NDUFAF4: variants seen among roughly 807,000 people sequenced by gnomAD.
NDUFAF4 encodes the protein NADH:ubiquinone oxidoreductase complex assembly factor 4, also known as NADH dehydrogenase [ubiquinone] 1 alpha subcomplex assembly factor 4.
A neutral mutation model predicts 15.6 loss-of-function variants in NDUFAF4; 10 were observed. The ratio of observed to expected loss-of-function variants is 0.64; its 90% CI spans 0.40 to 1.09. The LOEUF is 1.09. NDUFAF4 is among the 50% of genes least tolerant of loss of function. NDUFAF4 has a pLI of 0.01. For missense variants in NDUFAF4, 203 were observed against 207.3 expected, an observed-to-expected ratio of 0.98 and a Z score of 0.13; for synonymous variants, 77 against 73.3, an observed-to-expected ratio of 1.05 and a Z score of -0.26.
rs1398788258 is a variant in NDUFAF4, at chr6:96,896,821, C to T, written c.163G>A (p.Ala55Thr). 1 of 1,613,810 alleles carries T rather than the reference C, an allele frequency of 6.2e-7. No individual in the cohort carries two copies. Among genetic ancestry groups the T allele is most frequent in the Non-Finnish European group, 8.5e-7 (1 of 1,179,836 alleles). The change falls in exon 2 of 3, where the codon GCT (alanine) becomes ACT (threonine). Residue 55 changes from alanine (A) to threonine (T), a missense_variant. Transcript: ENST00000316149. Reference sequence around the variant, plus strand: ...GACAGCAGCTTTTCATCTTTACGAGCAATCTCTCCTTTAACTTCTGGATAG... The same window carrying T: ...GACAGCAGCTTTTCATCTTTACGAGTAATCTCTCCTTTAACTTCTGGATAG... ...SLYPEVKGEIARKDEKLLSFL... is the reference protein window; with the variant it reads ...SLYPEVKGEITRKDEKLLSFL...
Position 96,897,682 on chromosome 6 carries a change from C to G in NDUFAF4, c.120G>C (p.Leu40=), listed in dbSNP as rs117908219. The G allele has an allele frequency of 8.7e-6, 14 of 1,614,026 alleles. No individual in the cohort carries two copies. The highest frequency in any genetic ancestry group is 1.7e-5 in the Admixed American group (1 of 60,014). The part of the protein sequence containing the change: ...APRHPSTNSL[L]REQISLYPEV... Reference sequence around the variant, plus strand: ...ACCACTCACGACTAATCTGCTCTCGCAGGAGGCTGTTGGTAGAGGGGTGTC... The same window carrying G: ...ACCACTCACGACTAATCTGCTCTCGGAGGAGGCTGTTGGTAGAGGGGTGTC... The change falls in exon 1 of 3, where the codon CTG becomes CTC. Residue 40 remains leucine, a synonymous_variant. Transcript: ENST00000316149.
chr6:96,897,824 A>G lies in NDUFAF4; in HGVS notation c.-23T>C, dbSNP rs755401964. ...CATCTCCTCATAACATTATGCGCTC[A>G]GGTTCAGGCCGCACGTGGGAACACC... On this transcript the variant is annotated 5_prime_UTR_variant, in exon 1 of 3. Coordinates refer to ENST00000316149, the MANE Select transcript of NDUFAF4 (RefSeq NM_014165.4). 6.7e-5 allele frequency: 108 copies of G among 1,613,992 alleles called. 3 individuals are homozygous for G. In the South Asian group the frequency reaches 1.1e-3, roughly 17 times the overall value.
Position 96,891,375 on chromosome 6 carries a change from G to C in NDUFAF4, c.257C>G (p.Thr86Arg), listed in dbSNP as rs762681478. 2 of 1,604,392 alleles carry C rather than the reference G, an allele frequency of 1.2e-6. No individual in the cohort carries two copies. Among genetic ancestry groups the C allele is most frequent in the Admixed American group, 1.7e-5 (1 of 58,574 alleles). The change falls in exon 3 of 3, where the codon ACA (threonine) becomes AGA (arginine). Residue 86 changes from threonine to arginine, a missense_variant. Coordinates refer to ENST00000316149, the MANE Select transcript of NDUFAF4 (RefSeq NM_014165.4). The part of the protein sequence containing the change: ...VSSLQVKAAE[T>R]CQEPKEFRLP... Reference sequence around the variant, plus strand: ...TCTGAATTCCTTCGGCTCTTGACATGTTTCAGCAGCTTTTACCTAGTATCA... The same window carrying C: ...TCTGAATTCCTTCGGCTCTTGACATCTTTCAGCAGCTTTTACCTAGTATCA...
intron 2 of NDUFAF4, 25 bp from the exon 3 acceptor site, chr6:96,891,416 AG>A: frequency 6.3e-7 from 1 of 1,593,162 alleles, no homozygotes; most frequent in Non-Finnish European, 8.6e-7. Flanking sequence ...AAAAGGTTTT[AG>A]GATGAGAGAA....
In NDUFAF4 at chr6:96,897,793, T is replaced by G. The variant is rs749336430; in HGVS notation, c.9A>C (p.Ala3=). The G allele has an allele frequency of 3.1e-6, 5 of 1,614,178 alleles. No individual in the cohort carries two copies. The South Asian group carries it at 4.4e-5, about 14-fold the overall frequency. Reference sequence around the variant, plus strand: ...AATTCCTGATACCGCGAATCACTAGTGCTCCCATCTCCTCATAACATTATG... The same window carrying G: ...AATTCCTGATACCGCGAATCACTAGGGCTCCCATCTCCTCATAACATTATG... MG[A]LVIRGIRNFN... Residue 3 remains alanine, a synonymous_variant, in exon 1 of 3, where the codon GCA becomes GCC. Coordinates refer to ENST00000316149, the MANE Select transcript of NDUFAF4 (RefSeq NM_014165.4).
Position 96,896,805 on chromosome 6 carries a change from T to C in NDUFAF4, c.179A>G (p.Lys60Arg), listed in dbSNP as rs766312230. The change falls in exon 2 of 3, where the codon AAG becomes AGG. Residue 60 changes from lysine (K) to arginine (R), a missense_variant. Transcript: ENST00000316149. ...CACATCTTTTAGAAACGACAGCAGC[T>C]TTTCATCTTTACGAGCAATCTCTCC... ...VKGEIARKDE[K>R]LLSFLKDVYV... is the part of the protein sequence containing the mutation. 2 of 1,613,840 alleles carry C rather than the reference T, an allele frequency of 1.2e-6. No individual in the cohort carries two copies. Among genetic ancestry groups the C allele is most frequent in the African/African-American group, 2.7e-5 (2 of 74,944 alleles).
chr6:96,897,416 G>C (rs1309783209), intron 1 of NDUFAF4, among the ~76,000 whole-genome samples: 4 of 152,216 alleles, frequency 2.6e-5, no homozygotes, highest in African/African-American at 9.7e-5. Context: ...CGAGGGCCTG[G>C]TTAGCGGGAG....
chr6:96,897,071 C>G (rs937902608), intron 1 of NDUFAF4, among the ~76,000 whole-genome samples: 4 of 152,008 alleles, frequency 2.6e-5, no homozygotes, highest in Admixed American at 6.6e-5. Flanking sequence ...AGGCTACAGG[C>G]GCGCCACCAC....
At chr6:96,892,215 CT>C (rs1486674762) in intron 2 of NDUFAF4, among the ~76,000 whole-genome samples, 3 of 152,126 alleles carry the variant, frequency 2.0e-5, no homozygotes, top group Non-Finnish European at 4.4e-5. Context: ...TGAAATATTG[CT>C]AGTGATCTTT....
rs1775291561 is a variant in NDUFAF4, at chr6:96,889,902, C to A, written c.*1202G>T. 6.6e-6 allele frequency: 1 copy of A among 152,156 alleles called. No individual in the cohort carries two copies. Among genetic ancestry groups the A allele is most frequent in the South Asian group, 2.1e-4 (1 of 4,830 alleles). 9.4% of individuals were successfully genotyped at this position (152,156 alleles called of 1,614,324 possible). A position where few individuals can be genotyped will look rare whatever the true frequency, so the allele number is the denominator to read the frequency against. On this transcript the variant is annotated 3_prime_UTR_variant, in exon 3 of 3. Coordinates refer to ENST00000316149, the MANE Select transcript of NDUFAF4 (RefSeq NM_014165.4). ...ACTACAGAATCTTCGGTCATATATTCTCCCCAGGCACTTGTTTCTCCACCG... is the reference window on the plus strand; with the variant it reads ...ACTACAGAATCTTCGGTCATATATTATCCCCAGGCACTTGTTTCTCCACCG...
At position 96,897,684 on chromosome 6, in the gene NDUFAF4, G is replaced by A. The variant is rs1308117599; in HGVS notation, c.118C>T (p.Leu40=). The A allele has an allele frequency of 6.2e-7, 1 of 1,614,148 alleles. No homozygotes were observed. The highest frequency in any genetic ancestry group is 1.7e-5 in the Admixed American group (1 of 60,032). ...CACTCACGACTAATCTGCTCTCGCAGGAGGCTGTTGGTAGAGGGGTGTCTG... is the reference window on the plus strand; with the variant it reads ...CACTCACGACTAATCTGCTCTCGCAAGAGGCTGTTGGTAGAGGGGTGTCTG... ...APRHPSTNSL[L]REQISLYPEV... Residue 40 remains leucine (L), a synonymous_variant, in exon 1 of 3, where the codon CTG becomes TTG. Transcript: ENST00000316149.
At chr6:96,893,604 G>A (rs1775339353) in intron 2 of NDUFAF4, among the ~76,000 whole-genome samples, 1 of 151,750 alleles carries the variant, frequency 6.6e-6, no homozygotes, top group South Asian at 2.1e-4. Flanking sequence ...CCCAGGTAAG[G>A]TAGATCTTCC....
intron 2 of NDUFAF4, among the ~76,000 whole-genome samples, chr6:96,891,623 A>T (rs1394173627): frequency 6.6e-6 from 1 of 151,940 alleles, no homozygotes; most frequent in African/African-American, 2.4e-5. Flanking sequence ...TTCTCGTGAT[A>T]GAGTTCTCAC....
Position 96,889,464 on chromosome 6 carries a change from G to A in NDUFAF4, c.*1640C>T, listed in dbSNP as rs963527799. The A allele has an allele frequency of 6.6e-6, 1 of 152,098 alleles. No homozygotes were observed. Among genetic ancestry groups the A allele is most frequent in the Non-Finnish European group, 1.5e-5 (1 of 67,998 alleles). The allele number at this position is 152,098 out of a possible 1,614,324, so 9.4% of individuals were successfully genotyped here. On this transcript the variant is annotated 3_prime_UTR_variant, in exon 3 of 3. Transcript: ENST00000316149. ...TGACCATTATGATAAAAAGAATAAAGTTTTGACTTATTTACAGTTTTAAAA... is the reference window on the plus strand; with the variant it reads ...TGACCATTATGATAAAAAGAATAAAATTTTGACTTATTTACAGTTTTAAAA...
Position 96,890,458 on chromosome 6 carries a change from C to G in NDUFAF4, c.*646G>C, listed in dbSNP as rs1211845751. ...TACCTATCTGTCAAAGCAGAAATTC[C>G]CAACATTTTGTAAACACCACTAATT... On this transcript the variant is annotated 3_prime_UTR_variant, in exon 3 of 3. Coordinates refer to ENST00000316149, the MANE Select transcript of NDUFAF4 (RefSeq NM_014165.4). 1 of 152,062 alleles carries G rather than the reference C, an allele frequency of 6.6e-6. No individual in the cohort carries two copies. The highest frequency in any genetic ancestry group is 1.5e-5 in the Non-Finnish European group (1 of 68,006). 9.4% of individuals were successfully genotyped at this position (152,062 alleles called of 1,614,324 possible).
chr6:96,895,349 A>C (rs1775359066), intron 2 of NDUFAF4, among the ~76,000 whole-genome samples: 1 of 152,196 alleles, frequency 6.6e-6, no homozygotes, highest in African/African-American at 2.4e-5. Flanking sequence ...ACAACAAATA[A>C]ATTATTTGCC....
At chr6:96,893,691 C>CA (rs1275692195) in intron 2 of NDUFAF4, among the ~76,000 whole-genome samples, 1 of 135,676 alleles carries the variant, frequency 7.4e-6, no homozygotes, top group African/African-American at 2.8e-5. Flanking sequence ...TTATTTGACA[C>CA]AAAAAAATCT....
Position 96,890,943 on chromosome 6 carries a change from G to C in NDUFAF4, c.*161C>G, listed in dbSNP as rs1775306829. The C allele has an allele frequency of 3.0e-6, 2 of 658,502 alleles. No individual in the cohort carries two copies. The highest frequency in any genetic ancestry group is 5.1e-6 in the Non-Finnish European group (2 of 394,722). The allele number at this position is 658,502 out of a possible 1,614,324, so 40.8% of individuals were successfully genotyped here. ...TAAAATAAAACAAAAGATATTCTAT[G>C]GCAATCTTGAAAAGTCAGGGAGCTC... On this transcript the variant is annotated 3_prime_UTR_variant, in exon 3 of 3. Coordinates refer to ENST00000316149, the MANE Select transcript of NDUFAF4 (RefSeq NM_014165.4).
Position 96,897,676 on chromosome 6 carries a change from C to T in NDUFAF4, c.126G>A (p.Glu42=). ...CCTCGCACCACTCACGACTAATCTG[C>T]TCTCGCAGGAGGCTGTTGGTAGAGG... ...RHPSTNSLLR[E]QISLYPEVKG... is the part of the protein sequence containing the mutation. Residue 42 remains glutamate (E), a synonymous_variant, in exon 1 of 3, where the codon GAG becomes GAA. Transcript: ENST00000316149. 5 of 1,614,090 alleles carry T rather than the reference C, an allele frequency of 3.1e-6. No homozygotes were observed. Among genetic ancestry groups the T allele is most frequent in the Non-Finnish European group, 4.2e-6 (5 of 1,179,954 alleles).
Sources: gnomAD v4.1 joint callset for allele counts (sites outside exome capture counted in the v4.1 genomes callset) on GRCh38, gnomAD v4.1.1 for gene constraint, MANE v1.5 for transcripts, NCBI Gene and HGNC (gene_info 2026-07-23, HGNC 2026-07-21) for gene names.